PCED1B: variants seen among roughly 807,000 people sequenced by gnomAD.
PCED1B encodes PC-esterase domain containing 1B.
For synonymous variants in PCED1B, 251 were observed against 246.1 expected, an observed-to-expected ratio of 1.02 and a Z score of -0.19; for missense variants, 573 against 573.9, an observed-to-expected ratio of 1.00 and a Z score of 0.02.
At chr12:47,169,933 G>A in intron 2 of PCED1B, among the ~76,000 whole-genome samples, 1 of 116,398 alleles carries the variant, frequency 8.6e-6, no homozygotes, top group South Asian at 2.8e-4. Flanking sequence ...ATTCTTGGGT[G>A]TTTCTCGGAG....
intron 3 of PCED1B, among the ~76,000 whole-genome samples, chr12:47,227,295 A>G (rs1943661342): frequency 1.3e-5 from 2 of 151,920 alleles, no homozygotes; most frequent in Non-Finnish European, 2.9e-5. Context: ...CCTCAGCCTC[A>G]TGAGTGGCTG....
intron 2 of PCED1B, chr12:47,209,928 A>C (rs1943026291): frequency 6.6e-6 from 1 of 152,252 alleles, no homozygotes; most frequent in Non-Finnish European, 1.5e-5. Flanking sequence ...CTAGATTTGA[A>C]CTAAAGCAGA....
At chr12:47,152,608 T>C (rs1310850663) in intron 2 of PCED1B, among the ~76,000 whole-genome samples, 1 of 152,188 alleles carries the variant, frequency 6.6e-6, no homozygotes, top group African/African-American at 2.4e-5. Flanking sequence ...ACAGATTAGG[T>C]AATAGTATTG....
chr12:47,196,726 T>C lies in PCED1B; in HGVS notation c.-525-19496T>C, dbSNP rs181012454. ...GCCTGTAATCCCAGCTACTCAGGAG[T>C]TTGAGGTAGAATTGCTTGAACCCAG... On this transcript the variant is annotated intron_variant, in intron 2 of 3. Transcript: ENST00000546455. Among the ~76,000 whole-genome samples, 175 of 150,260 alleles carry C rather than the reference T, an allele frequency of 1.2e-3. 1 individual carries two copies. In the East Asian group the frequency reaches 0.025, roughly 21 times the overall value.
At chr12:47,183,898 A>G (rs1473982290) in intron 2 of PCED1B, among the ~76,000 whole-genome samples, 2 of 152,198 alleles carry the variant, frequency 1.3e-5, no homozygotes, top group African/African-American at 2.4e-5. Context: ...CCCCCGCACC[A>G]GTTGGTGCTA....
chr12:47,103,540 G>A (rs1281672059), intron 1 of PCED1B, among the ~76,000 whole-genome samples: 1 of 152,216 alleles, frequency 6.6e-6, no homozygotes, highest in Non-Finnish European at 1.5e-5. Context: ...TACATGCCAT[G>A]TAGCAGAATA....
intron 3 of PCED1B, among the ~76,000 whole-genome samples, chr12:47,219,973 T>C (rs1943421894): frequency 6.7e-6 from 1 of 149,420 alleles, no homozygotes; most frequent in East Asian, 2.0e-4. Flanking sequence ...CCTAGGAGGC[T>C]GAGGAGGGAG....
chr12:47,163,584 C>T (rs1334654959), intron 2 of PCED1B, among the ~76,000 whole-genome samples: 1 of 152,042 alleles, frequency 6.6e-6, no homozygotes, highest in East Asian at 1.9e-4. Flanking sequence ...GAGGCAGTTT[C>T]CTTCTATTTC....
At chr12:47,156,908 A>T (rs1941212237) in intron 2 of PCED1B, among the ~76,000 whole-genome samples, 1 of 152,138 alleles carries the variant, frequency 6.6e-6, no homozygotes, top group Admixed American at 6.5e-5. Context: ...CCTATGTAAA[A>T]GGACAAAAAT....
At chr12:47,182,271 G>A (rs1051216063) in intron 2 of PCED1B, among the ~76,000 whole-genome samples, 10 of 152,138 alleles carry the variant, frequency 6.6e-5, no homozygotes, top group Non-Finnish European at 1.5e-4. Context: ...GTAAGCAATA[G>A]ACCTACAGTA....
intron 2 of PCED1B, among the ~76,000 whole-genome samples, chr12:47,211,431 C>A (rs1351377730): frequency 6.6e-6 from 1 of 151,116 alleles, no homozygotes; most frequent in African/African-American, 2.4e-5. Context: ...GCATGTGGAT[C>A]ACTTGAGGCC....
chr12:47,120,805 A>AAATAAT (rs149803333), intron 2 of PCED1B, among the ~76,000 whole-genome samples: 2 of 152,002 alleles, frequency 1.3e-5, no homozygotes, highest in African/African-American at 4.8e-5. Context: ...CCATCTCAAA[A>AAATAAT]AATAATAATA....
intron 2 of PCED1B, among the ~76,000 whole-genome samples, chr12:47,122,069 T>C (rs79017830): frequency 0.023 from 3,462 of 151,816 alleles, 106 homozygotes; most frequent in East Asian, 0.077. Context: ...CCTTTTTTTT[T>C]CTCTAAAATG....
At chr12:47,082,367 T>C (rs1937776119) in intron 1 of PCED1B, among the ~76,000 whole-genome samples, 2 of 152,170 alleles carry the variant, frequency 1.3e-5, no homozygotes, top group Admixed American at 1.3e-4. Context: ...CTGCCTTTTA[T>C]GCTTTGAAAG....
At chr12:47,120,394 G>A (rs978668743) in intron 2 of PCED1B, among the ~76,000 whole-genome samples, 1 of 152,048 alleles carries the variant, frequency 6.6e-6, no homozygotes, top group Admixed American at 6.6e-5. Context: ...GATTATAGCA[G>A]TATTATTTAT....
chr12:47,206,364 T>A (rs1942910517), intron 2 of PCED1B: 1 of 152,244 alleles, frequency 6.6e-6, no homozygotes, highest in African/African-American at 2.4e-5. Flanking sequence ...CCAAAGTTAG[T>A]TCAGCCTATG....
At chr12:47,148,948 C>G (rs1344346673) in intron 2 of PCED1B, among the ~76,000 whole-genome samples, 2 of 151,984 alleles carry the variant, frequency 1.3e-5, no homozygotes, top group African/African-American at 4.8e-5. Context: ...CCGTTTTTTT[C>G]TCCTTCCCCA....
chr12:47,211,787 A>T (rs893763336), intron 2 of PCED1B, among the ~76,000 whole-genome samples: 3 of 151,668 alleles, frequency 2.0e-5, no homozygotes, highest in Non-Finnish European at 2.9e-5. Flanking sequence ...GTAAAACCCA[A>T]TCTCTCGGCT....
At chr12:47,195,658 G>A (rs1043724244) in intron 2 of PCED1B, among the ~76,000 whole-genome samples, 1 of 152,128 alleles carries the variant, frequency 6.6e-6, no homozygotes, top group Admixed American at 6.6e-5. Context: ...AAACAAGAAG[G>A]TTGCTCACAG....
Sources: allele counts gnomAD v4.1 joint callset (sites outside exome capture counted in the v4.1 genomes callset), GRCh38; gene constraint gnomAD v4.1.1; transcripts MANE v1.5; gene names NCBI Gene and HGNC (gene_info 2026-07-23, HGNC 2026-07-21).